Variants in RNF123 observed in about 807,000 individuals in gnomAD.
The protein encoded by RNF123 is ring finger protein 123, also known as E3 ubiquitin-protein ligase RNF123.
In RNF123, 86 loss-of-function variants were observed where a neutral mutation model predicts 168.5. That is an observed-to-expected ratio of 0.51 (90% CI 0.43 to 0.61). The LOEUF is 0.61. Ranked by LOEUF, RNF123 falls within the 20% of genes least tolerant of loss-of-function variation. RNF123 has a pLI of 0.00. For missense variants in RNF123, 1,419 were observed against 1,729.7 expected (o/e 0.82, Z 3.19); for synonymous variants, 666 against 689.1 (o/e 0.97, Z 0.52).
At chr3:49,690,280 C>G (rs937889485) in intron 1 of RNF123, among the ~76,000 whole-genome samples, 8 of 152,234 alleles carry the variant, frequency 5.3e-5, no homozygotes, top group Non-Finnish European at 1.0e-4. Flanking sequence ...AACAGAGTAA[C>G]CATTAGCCAC....
chr3:49,714,305 C>G (rs960867930), intron 31 of RNF123, 131 bp downstream of exon 31: 2 of 790,022 alleles, frequency 2.5e-6, no homozygotes, highest in Non-Finnish European at 4.2e-6. Context: ...AGACTCCCTA[C>G]GTGTCCCCTG....
intron 27 of RNF123, 79 bp from the exon 28 acceptor site, chr3:49,713,434 A>G: frequency 3.5e-6 from 5 of 1,410,856 alleles, no homozygotes; most frequent in Non-Finnish European, 4.9e-6. Context: ...CCTGCTACCC[A>G]AGTCCACCCA....
chr3:49,698,685 C>T (rs1214080475), intron 8 of RNF123, 70 bp from the exon 9 acceptor site: 59 of 1,577,138 alleles, frequency 3.7e-5, no homozygotes, highest in Admixed American at 6.8e-5. Context: ...GTTCTGGAAA[C>T]GCAGCTGGGG....
chr3:49,693,141 C>G (rs2054201676), intron 3 of RNF123, among the ~76,000 whole-genome samples: 1 of 151,810 alleles, frequency 6.6e-6, no homozygotes, highest in Middle Eastern at 3.2e-3. Flanking sequence ...CTCCGCCTCC[C>G]AGGTTCATGC....
chr3:49,700,058 G>A, intron 12 of RNF123, 169 bp from the exon 13 acceptor site: 1 of 912,316 alleles, frequency 1.1e-6, no homozygotes, highest in Non-Finnish European at 1.6e-6. Flanking sequence ...GTGGGGCAAT[G>A]GCCTTCTTGT....
chr3:49,705,227 A>G, intron 23 of RNF123, 45 bp downstream of exon 23: 1 of 1,558,060 alleles, frequency 6.4e-7, no homozygotes, highest in Non-Finnish European at 8.7e-7. Flanking sequence ...GGACCCTTCC[A>G]CAGTGTACAG....
chr3:49,718,635 T>G (rs749952391), intron 35 of RNF123: 1 of 1,612,978 alleles, frequency 6.2e-7, no homozygotes, highest in South Asian at 1.1e-5. Flanking sequence ...GGCCAAGAGC[T>G]GGGGCCGACG....
chr3:49,721,529 A>T lies in RNF123; in HGVS notation c.*224A>T. 2.5e-6 allele frequency: 2 copies of T among 812,352 alleles called. No homozygotes were observed. Among genetic ancestry groups the T allele is most frequent in the Non-Finnish European group, 4.2e-6 (2 of 480,804 alleles). 50.3% of individuals were successfully genotyped at this position (812,352 alleles called of 1,614,324 possible). On this transcript the variant is annotated 3_prime_UTR_variant, in exon 39 of 39. Transcript: ENST00000327697. ...TGAGCATTAAATTATTATTCCATAC[A>T]GCCCTGGCCCTGGCCCTTCTTGAGG...
intron 3 of RNF123, among the ~76,000 whole-genome samples, chr3:49,692,792 A>G (rs1404008837): frequency 6.6e-6 from 1 of 152,146 alleles, no homozygotes; most frequent in Admixed American, 6.6e-5. Flanking sequence ...ATGTTGTTGC[A>G]TATTACAGGA....
chr3:49,699,845 C>G lies in RNF123; in HGVS notation c.984+73C>G, dbSNP rs1206167834. 6.8e-7 allele frequency: 1 copy of G among 1,466,342 alleles called. No individual in the cohort carries two copies. Among genetic ancestry groups the G allele is most frequent in the African/African-American group, 1.4e-5 (1 of 71,860 alleles). 90.8% of individuals were successfully genotyped at this position (1,466,342 alleles called of 1,614,324 possible). A position where few individuals can be genotyped will look rare whatever the true frequency, so the allele number is the denominator to read the frequency against. ...TAGACACGCCCGTGGTAGATGTGCCCTCACTGAGGGCTGCAGTGCTGAGGT... is the reference window on the plus strand; with the variant it reads ...TAGACACGCCCGTGGTAGATGTGCCGTCACTGAGGGCTGCAGTGCTGAGGT... On this transcript the variant is annotated intron_variant, in intron 12 of 38. Transcript: ENST00000327697. This position sits in a 1 kb window ranked among gnomAD's most constrained non-coding sequence, Gnocchi z 4.8.
intron 9 of RNF123, 56 bp from the exon 10 acceptor site, chr3:49,698,924 T>G (rs2054321535): frequency 1.9e-6 from 3 of 1,608,480 alleles, no homozygotes; most frequent in East Asian, 4.5e-5. Flanking sequence ...TTTGATAGCC[T>G]GAGGGTGGGC....
chr3:49,718,380 G>C (rs1280610026), intron 35 of RNF123: 2 of 1,613,248 alleles, frequency 1.2e-6, no homozygotes, highest in African/African-American at 2.7e-5. Flanking sequence ...CGTGCGTCTG[G>C]TTGTGGTGCA....
At chr3:49,715,367 G>A (rs2080218169) in intron 31 of RNF123, 1 of 620,258 alleles carries the variant, frequency 1.6e-6, no homozygotes, top group Non-Finnish European at 2.8e-6. Context: ...CTGCAGCCTG[G>A]GGCTTGCCTA....
At chr3:49,701,773 G>A in intron 16 of RNF123, 38 bp from the exon 17 acceptor site, 1 of 1,549,858 alleles carries the variant, frequency 6.5e-7, no homozygotes, top group East Asian at 2.4e-5. Context: ...CTAGGTCCCA[G>A]GTGACCCTGC....
At chr3:49,698,247 T>C in intron 7 of RNF123, 110 bp downstream of exon 7, 1 of 1,052,974 alleles carries the variant, frequency 9.5e-7, no homozygotes, top group Non-Finnish European at 1.4e-6. Flanking sequence ...CTAACTAACC[T>C]GGACTGCCCT....
chr3:49,718,663 C>A (rs1194818995), intron 35 of RNF123: 11 of 1,612,904 alleles, frequency 6.8e-6, no homozygotes, highest in Non-Finnish European at 8.5e-6. Flanking sequence ...CTCAAAGACG[C>A]GGCTGTGCTG....
At chr3:49,717,651 C>T (rs1038066961) in intron 35 of RNF123, 3 of 496,340 alleles carry the variant, frequency 6.0e-6, no homozygotes, top group Non-Finnish European at 7.3e-6. Context: ...GGGCCTGGGT[C>T]TCTCAGCCTC....
At chr3:49,720,306 ACTCGT>A (rs746735901) in intron 35 of RNF123, 200 bp from the exon 36 acceptor site, 29 of 418,624 alleles carry the variant, frequency 6.9e-5, no homozygotes, top group Non-Finnish European at 1.1e-4. Flanking sequence ...ACAGAGCGAG[ACTCGT>A]CTCAAGAAAA....
intron 35 of RNF123, chr3:49,718,479 G>A (rs2080302411): frequency 6.2e-6 from 10 of 1,612,912 alleles, no homozygotes; most frequent in Non-Finnish European, 8.5e-6. Context: ...CCAGCACCGC[G>A]ATGCTGCCAT....
Sources: gnomAD v4.1 joint callset for allele counts (sites outside exome capture counted in the v4.1 genomes callset) on GRCh38, gnomAD v4.1.1 for gene constraint, Gnocchi (gnomAD v3.1) non-coding constraint, MANE v1.5 for transcripts, NCBI Gene and HGNC (gene_info 2026-07-23, HGNC 2026-07-21) for gene names.